CEACAM21: variants seen among roughly 807,000 people sequenced by gnomAD.
The protein encoded by CEACAM21 is CEA cell adhesion molecule 21.
CEACAM21 carries 38 observed loss-of-function variants against 33.2 expected under a neutral mutation model. The ratio of observed to expected loss-of-function variants is 1.14; its 90% CI spans 0.88 to 1.50. CEACAM21 has a LOEUF of 1.50. Among genes scored for constraint, CEACAM21 ranks in the 40% most tolerant of loss-of-function variants. The pLI is 0.00. For synonymous variants in CEACAM21, 156 were observed against 143.0 expected, an observed-to-expected ratio of 1.09 and a Z score of -0.65; for missense variants, 385 against 364.6, an observed-to-expected ratio of 1.06 and a Z score of -0.46.
At chr19:41,585,104 G>T (rs2070626656) in intron 4 of CEACAM21, among the ~76,000 whole-genome samples, 1 of 152,126 alleles carries the variant, frequency 6.6e-6, no homozygotes, top group African/African-American at 2.4e-5. Flanking sequence ...CATGTGCCTG[G>T]CCCTGCTTTC....
At chr19:41,563,975 A>G (rs1187933706) in intron 1 of CEACAM21, among the ~76,000 whole-genome samples, 1 of 152,234 alleles carries the variant, frequency 6.6e-6, no homozygotes. Context: ...CCCTCAGCCA[A>G]GCACAGGCAC....
At chr19:41,566,145 T>C (rs1011817606) in intron 2 of CEACAM21, among the ~76,000 whole-genome samples, 1 of 152,136 alleles carries the variant, frequency 6.6e-6, no homozygotes. Context: ...AACCCTAACA[T>C]AAAGGCAAAA....
chr19:41,585,836 C>T lies in CEACAM21; in HGVS notation c.851-4C>T, dbSNP rs1166371257. On this transcript the variant is annotated splice_polypyrimidine_tract_variant and splice_region_variant and intron_variant, in intron 5 of 6. Transcript: ENST00000401445. ...CTCGTGCTCACTTTTGTCTCTGTCC[C>T]CAGGCCATGGACCCTCTGACAGCTC... 3.1e-6 allele frequency: 5 copies of T among 1,612,454 alleles called. No individual in the cohort carries two copies. In the Admixed American group the frequency reaches 5.0e-5, roughly 16 times the overall value.
chr19:41,570,614 C>G (rs1391877122), intron 2 of CEACAM21, among the ~76,000 whole-genome samples: 1 of 152,140 alleles, frequency 6.6e-6, no homozygotes, highest in East Asian at 1.9e-4. Context: ...CTGGGGGTAA[C>G]AGTGAAGTTC....
chr19:41,572,638 T>C (rs1207050687), upstream of CEACAM21, among the ~76,000 whole-genome samples: 1 of 152,060 alleles, frequency 6.6e-6, no homozygotes, highest in African/African-American at 2.4e-5. Context: ...CACCAGCTCC[T>C]CCAGAAAAGA....
chr19:41,566,601 A>C (rs2042282047), intron 2 of CEACAM21, among the ~76,000 whole-genome samples: 1 of 152,148 alleles, frequency 6.6e-6, no homozygotes, highest in Non-Finnish European at 1.5e-5. Flanking sequence ...TTGCATGTAT[A>C]TTTGTAAGTG....
chr19:41,580,705 T>G (rs1555793239), intron 3 of CEACAM21, among the ~76,000 whole-genome samples: 1 of 152,128 alleles, frequency 6.6e-6, no homozygotes, highest in Non-Finnish European at 1.5e-5. Flanking sequence ...TCCAGAAACT[T>G]CCATGGGTTC....
At chr19:41,569,756 C>T (rs531743344) in intron 2 of CEACAM21, among the ~76,000 whole-genome samples, 1 of 152,262 alleles carries the variant, frequency 6.6e-6, no homozygotes, top group African/African-American at 2.4e-5. Context: ...TCCACAGTGA[C>T]ATCCCAGGGG....
At chr19:41,586,277 G>A in intron 6 of CEACAM21, 187 bp from the exon 7 acceptor site, 2 of 523,104 alleles carry the variant, frequency 3.8e-6, no homozygotes, top group Non-Finnish European at 3.6e-6. Context: ...TGGCTGAGCT[G>A]AAGTTCAGGA....
In CEACAM21 at chr19:41,576,356, T is replaced by A. The variant is rs2042945109; in HGVS notation, c.64+18T>A. On this transcript the variant is annotated intron_variant, in intron 1 of 6. Coordinates refer to ENST00000401445, the MANE Select transcript of CEACAM21 (RefSeq NM_001098506.4). Reference sequence around the variant, plus strand: ...GCTCACAGGTGAGGGGAGGACTCCCTGGGAGTGGGTGGGAGGAGGGAGCAC... The same window carrying A: ...GCTCACAGGTGAGGGGAGGACTCCCAGGGAGTGGGTGGGAGGAGGGAGCAC... The A allele has an allele frequency of 1.9e-6, 3 of 1,600,082 alleles. No individual in the cohort carries two copies. The highest frequency in any genetic ancestry group is 1.7e-6 in the Non-Finnish European group (2 of 1,173,422).
chr19:41,562,888 C>T (rs935456477), intron 1 of CEACAM21, among the ~76,000 whole-genome samples: 3 of 152,022 alleles, frequency 2.0e-5, no homozygotes, highest in African/African-American at 7.3e-5. Context: ...GCCACCACGC[C>T]CGGCTAATTT....
rs1276245075 is a variant in CEACAM21, at chr19:41,577,473, C to A, written c.338C>A (p.Thr113Asn). Residue 113 changes from threonine to asparagine, a missense_variant, in exon 2 of 7, where the codon ACC becomes AAC. Coordinates refer to ENST00000401445, the MANE Select transcript of CEACAM21 (RefSeq NM_001098506.4). ...GGAGATCTGCATTTCCAGAACGTCA[C>A]CCTAGAGGACACGGGATACTACAAC... is the stretch of plus-strand genomic sequence containing the variant. The part of the protein sequence containing the change: ...PSGDLHFQNV[T>N]LEDTGYYNLQ... The A allele has an allele frequency of 1.2e-6, 2 of 1,613,280 alleles. No homozygotes were observed. Among genetic ancestry groups the A allele is most frequent in the African/African-American group, 1.3e-5 (1 of 74,608 alleles).
chr19:41,577,071 A>G (rs2043000380), intron 1 of CEACAM21, 129 bp from the exon 2 acceptor site: 1 of 1,018,324 alleles, frequency 9.8e-7, no homozygotes, highest in East Asian at 2.6e-5. Flanking sequence ...GCTGACTTTG[A>G]CCCAGTAGGA....
At chr19:41,584,470 C>G (rs781787797) in intron 4 of CEACAM21, 27 bp downstream of exon 4, 1 of 1,579,056 alleles carries the variant, frequency 6.3e-7, no homozygotes, top group South Asian at 1.1e-5. Flanking sequence ...CCATTCTGCT[C>G]CCATCCTTCA....
chr19:41,551,956 T>C (rs1555784494), intron 1 of CEACAM21: 2 of 152,118 alleles, frequency 1.3e-5, no homozygotes, highest in African/African-American at 4.8e-5. Context: ...CTGCTATTTC[T>C]CACGGCCCAA....
In CEACAM21 at chr19:41,579,610, C is replaced by A. The variant is rs562373708; in HGVS notation, c.682C>A (p.Leu228Ile). Residue 228 changes from leucine (L) to isoleucine (I), a missense_variant, in exon 3 of 7, where the codon CTC becomes ATC. Physicochemically the swap from Leu to Ile is conservative, Grantham distance 5. Coordinates refer to ENST00000401445, the MANE Select transcript of CEACAM21 (RefSeq NM_001098506.4). ...AGTCAGCTCCAACAGGAGCGACCCC[C>A]TCAAGCTGACTGTAAAATGTGAGTG... ...NPVSSNRSDP[L>I]KLTVKSDDNT... is the part of the protein sequence containing the mutation. 11 of 1,560,910 alleles carry A rather than the reference C, an allele frequency of 7.0e-6. No individual in the cohort carries two copies. The African/African-American group carries it at 1.4e-4, about 19-fold the overall frequency.
intron 3 of CEACAM21, among the ~76,000 whole-genome samples, chr19:41,583,614 T>C (rs966996174): frequency 6.6e-6 from 1 of 152,198 alleles, no homozygotes; most frequent in South Asian, 2.1e-4. Context: ...GTGAAAGGCA[T>C]GTCTTACATG....
intron 5 of CEACAM21, 61 bp downstream of exon 5, chr19:41,585,556 C>T: frequency 6.4e-7 from 1 of 1,561,146 alleles, no homozygotes; most frequent in Non-Finnish European, 8.8e-7. Flanking sequence ...AAGTTGTCCA[C>T]TCCTGCCAGT....
At chr19:41,583,243 C>T (rs1228519682) in intron 3 of CEACAM21, among the ~76,000 whole-genome samples, 2 of 152,122 alleles carry the variant, frequency 1.3e-5, no homozygotes, top group Non-Finnish European at 2.9e-5. Flanking sequence ...TTCCAGTTCC[C>T]AAGAAGTTCC....
Sources: allele counts gnomAD v4.1 joint callset (sites outside exome capture counted in the v4.1 genomes callset), GRCh38; gene constraint gnomAD v4.1.1; transcripts MANE v1.5; gene names NCBI Gene and HGNC (gene_info 2026-07-23, HGNC 2026-07-21).